Variants in ELMO1 observed in about 807,000 individuals in gnomAD.
ELMO1 encodes engulfment and cell motility 1, also known as engulfment and cell motility protein 1.
Under a neutral mutation model 98.9 loss-of-function variants are expected in ELMO1, and 26 were observed. The ratio of observed to expected loss-of-function variants is 0.26; its 90% CI spans 0.19 to 0.36. ELMO1 has a LOEUF of 0.36. ELMO1 is among the 10% of genes least tolerant of loss of function. The probability of loss-of-function intolerance (pLI) is 1.00; values close to 1 mark genes in which losing one functional copy is unlikely to be tolerated. For missense variants in ELMO1, 627 were observed against 935.2 expected (o/e 0.67, Z 4.30); for synonymous variants, 346 against 346.0 (o/e 1.00, Z 0.00).
intron 4 of ELMO1, among the ~76,000 whole-genome samples, chr7:37,313,311 G>A (rs778398635): frequency 1.3e-4 from 20 of 152,038 alleles, no homozygotes; most frequent in Admixed American, 2.6e-4. Context: ...TGCAACCTCC[G>A]CCTCCCAGGT....
chr7:37,388,634 AAAAC>A (rs1802922349), intron 1 of ELMO1, among the ~76,000 whole-genome samples: 1 of 151,684 alleles, frequency 6.6e-6, no homozygotes, highest in Admixed American at 6.6e-5. Flanking sequence ...AAAAAAAAAA[AAAAC>A]ACACAAAAGA....
At chr7:36,899,868 G>C (rs886586309) in intron 16 of ELMO1, among the ~76,000 whole-genome samples, 27 of 151,688 alleles carry the variant, frequency 1.8e-4, no homozygotes, top group African/African-American at 6.0e-4. Context: ...GAAATTCACA[G>C]GGTTGTAAAA....
intron 16 of ELMO1, among the ~76,000 whole-genome samples, chr7:36,947,901 A>G (rs1787634787): frequency 1.3e-5 from 2 of 152,156 alleles, no homozygotes; most frequent in Admixed American, 6.5e-5. Context: ...TTCCTCCTTC[A>G]GGATGTAGCC....
Position 36,906,264 on chromosome 7 carries a change from C to G in ELMO1, c.1438-11247G>C, listed in dbSNP as rs79886091. ...GTGGCCACAAAGTTGAACTTCAGAG[C>G]CTACTCGTCAAGATTCTGTGATATA... On this transcript the variant is annotated intron_variant, in intron 16 of 21. Transcript: ENST00000310758. Among the ~76,000 whole-genome samples, 1,387 of 152,286 alleles carry G rather than the reference C, an allele frequency of 9.1e-3. 19 individuals are homozygous for G. The highest frequency in any genetic ancestry group is 0.031 in the African/African-American group (1,299 of 41,556).
intron 14 of ELMO1, among the ~76,000 whole-genome samples, chr7:37,107,811 T>A (rs921975265): frequency 6.6e-6 from 1 of 152,188 alleles, no homozygotes; most frequent in African/African-American, 2.4e-5. Context: ...AACAAACACA[T>A]TCCAGGAAAG....
Position 37,383,324 on chromosome 7 carries a change from A to T in ELMO1, c.-73-40561T>A. On this transcript the variant is annotated intron_variant, in intron 1 of 21. Coordinates refer to ENST00000310758, the MANE Select transcript of ELMO1 (RefSeq NM_014800.11). ...TGACATTTTTTAAGAGTACAGAAAA[A>T]ATCACAAAAGTTTATCTAACATCTC... Among the ~76,000 whole-genome samples, 2 of 152,224 alleles carry T rather than the reference A, an allele frequency of 1.3e-5. 1 individual carries two copies. Among genetic ancestry groups the T allele is most frequent in the East Asian group, 3.8e-4 (2 of 5,206 alleles).
chr7:37,074,138 AAT>A (rs1666625660), intron 15 of ELMO1, among the ~76,000 whole-genome samples: 1 of 148,186 alleles, frequency 6.7e-6, no homozygotes, highest in South Asian at 2.1e-4. Flanking sequence ...TTTATATATC[AAT>A]ATAATACTAT....
chr7:37,037,170 T>G (rs1048123231), intron 15 of ELMO1, among the ~76,000 whole-genome samples: 1 of 152,248 alleles, frequency 6.6e-6, no homozygotes, highest in East Asian at 1.9e-4. Flanking sequence ...AAATGGTGAC[T>G]TTCCTATATA....
chr7:37,017,290 G>A (rs78815676), intron 15 of ELMO1, among the ~76,000 whole-genome samples: 2 of 151,804 alleles, frequency 1.3e-5, no homozygotes, highest in Non-Finnish European at 2.9e-5. Flanking sequence ...CTTCTCTAAC[G>A]TATCAAGGTT....
At chr7:37,299,324 T>C (rs1798233974) in intron 4 of ELMO1, among the ~76,000 whole-genome samples, 1 of 151,874 alleles carries the variant, frequency 6.6e-6, no homozygotes, top group Non-Finnish European at 1.5e-5. Context: ...CTTTTGGTGT[T>C]TTGGACATGA....
chr7:37,200,930 G>C (rs2130304464), intron 13 of ELMO1, among the ~76,000 whole-genome samples: 1 of 149,948 alleles, frequency 6.7e-6, no homozygotes, highest in East Asian at 1.9e-4. Flanking sequence ...GTGACAAAGT[G>C]AGACTCTGTC....
chr7:36,998,689 C>T (rs981857997), intron 16 of ELMO1, among the ~76,000 whole-genome samples: 5 of 151,990 alleles, frequency 3.3e-5, no homozygotes, highest in African/African-American at 4.8e-5. Flanking sequence ...AACTGTCCAC[C>T]GGAGGCCATT....
intron 4 of ELMO1, among the ~76,000 whole-genome samples, chr7:37,304,847 C>T (rs1438387022): frequency 6.6e-6 from 1 of 152,094 alleles, no homozygotes; most frequent in Non-Finnish European, 1.5e-5. Context: ...TTTTAAGTGG[C>T]TTGTTTTCAC....
chr7:37,260,003 A>T (rs1439550391), intron 5 of ELMO1, among the ~76,000 whole-genome samples: 2 of 152,230 alleles, frequency 1.3e-5, no homozygotes. Context: ...ATTACTTTTA[A>T]GGCATTTGCA....
intron 16 of ELMO1, among the ~76,000 whole-genome samples, chr7:36,904,590 G>A (rs915869704): frequency 1.3e-5 from 2 of 152,214 alleles, no homozygotes; most frequent in African/African-American, 4.8e-5. Flanking sequence ...TGCACCTCAT[G>A]AGAAAGCACT....
chr7:37,141,020 C>T (rs1343520357), intron 13 of ELMO1, among the ~76,000 whole-genome samples: 1 of 152,170 alleles, frequency 6.6e-6, no homozygotes, highest in East Asian at 1.9e-4. Flanking sequence ...ATCCAGCAAT[C>T]CCACTACTAG....
chr7:37,417,346 A>G (rs28759057), intron 1 of ELMO1, among the ~76,000 whole-genome samples: 25,464 of 152,192 alleles, frequency 0.17, 2,307 homozygotes, highest in South Asian at 0.26. Context: ...CTTTATAAAA[A>G]GAGGAAGATG....
At chr7:37,254,591 C>T (rs752935871) in intron 6 of ELMO1, among the ~76,000 whole-genome samples, 36 of 152,018 alleles carry the variant, frequency 2.4e-4, no homozygotes, top group Admixed American at 5.9e-4. Context: ...GAGTAGTGTA[C>T]GCAATGGTAA....
At chr7:37,223,155 A>G (rs1242704119) in intron 9 of ELMO1, among the ~76,000 whole-genome samples, 1 of 152,202 alleles carries the variant, frequency 6.6e-6, no homozygotes, top group Non-Finnish European at 1.5e-5. Flanking sequence ...CTAAAAATCT[A>G]TTTCCAAATA....
Sources: allele counts gnomAD v4.1 joint callset (sites outside exome capture counted in the v4.1 genomes callset), GRCh38; gene constraint gnomAD v4.1.1; transcripts MANE v1.5; gene names NCBI Gene and HGNC (gene_info 2026-07-23, HGNC 2026-07-21).